Variants in RBM27 observed in about 807,000 individuals in gnomAD.
The protein encoded by RBM27 is RNA binding motif protein 27, also known as RNA-binding protein 27.
In RBM27, 22 loss-of-function variants were observed where a neutral mutation model predicts 135.3. The observed-to-expected ratio is 0.16, with a 90% CI of 0.12 to 0.23. The LOEUF (loss-of-function observed/expected upper bound fraction) is 0.23, where lower values mean the gene tolerates loss of function less well. Among genes scored for constraint, RBM27 ranks in the 10% least tolerant of loss-of-function variants. RBM27 has a pLI of 1.00. For synonymous variants in RBM27, 481 were observed against 442.4 expected, an observed-to-expected ratio of 1.09 and a Z score of -1.10; for missense variants, 1,009 against 1,281.0, an observed-to-expected ratio of 0.79 and a Z score of 3.24.
At chr5:146,240,281 AT>A (rs1757348217) in intron 8 of RBM27, among the ~76,000 whole-genome samples, 1 of 149,398 alleles carries the variant, frequency 6.7e-6, no homozygotes, top group Non-Finnish European at 1.5e-5. Context: ...GGAAGACATG[AT>A]TGCTGTTTTC....
intron 8 of RBM27, among the ~76,000 whole-genome samples, chr5:146,238,543 T>G (rs1757266036): frequency 6.6e-6 from 1 of 152,172 alleles, no homozygotes; most frequent in South Asian, 2.1e-4. Flanking sequence ...TCTGGAATCC[T>G]AATTCTCTTT....
chr5:146,261,378 A>G lies in RBM27; in HGVS notation c.1894-132A>G. The G allele has an allele frequency of 3.9e-6, 3 of 771,424 alleles. 1 individual carries two copies. The highest frequency in any genetic ancestry group is 3.7e-5 in the South Asian group (2 of 53,538). 47.8% of individuals were successfully genotyped at this position (771,424 alleles called of 1,614,324 possible). ...ATTACATCCTAAAAGCTCTATCTCT[A>G]AAACAGTAATGTTGGAGTTTAGGGC... On this transcript the variant is annotated intron_variant, in intron 12 of 20. Transcript: ENST00000265271.
At chr5:146,228,552 G>A (rs1289814401) in intron 3 of RBM27, among the ~76,000 whole-genome samples, 1 of 151,820 alleles carries the variant, frequency 6.6e-6, no homozygotes, top group African/African-American at 2.4e-5. Context: ...AAAGTGCTGG[G>A]ATTATAGGTG....
chr5:146,253,143 G>A (rs1320962628), intron 9 of RBM27, among the ~76,000 whole-genome samples: 7 of 151,978 alleles, frequency 4.6e-5, no homozygotes, highest in African/African-American at 9.7e-5. Context: ...GATTACAGGC[G>A]TGCATCACCA....
At chr5:146,209,193 C>T (rs1755833850) in intron 1 of RBM27, among the ~76,000 whole-genome samples, 1 of 152,060 alleles carries the variant, frequency 6.6e-6, no homozygotes, top group African/African-American at 2.4e-5. Flanking sequence ...ATGTAAACAA[C>T]ATTTTATGGT....
intron 9 of RBM27, 143 bp downstream of exon 9, chr5:146,252,018 C>T (rs970651045): frequency 2.1e-6 from 2 of 959,010 alleles, no homozygotes; most frequent in Admixed American, 4.5e-5. Context: ...TGCTCCTTTG[C>T]TTCTTTGGTT....
intron 1 of RBM27, among the ~76,000 whole-genome samples, chr5:146,213,251 C>T (rs1363160934): frequency 6.6e-6 from 1 of 152,062 alleles, no homozygotes; most frequent in Non-Finnish European, 1.5e-5. Context: ...AACAGGCATG[C>T]ACCACCATGC....
At chr5:146,265,934 G>GA (rs904454197) in intron 14 of RBM27, among the ~76,000 whole-genome samples, 3 of 151,672 alleles carry the variant, frequency 2.0e-5, no homozygotes, top group Admixed American at 6.6e-5. Context: ...TCTTAAGCGG[G>GA]AAAAAAAAGG....
At chr5:146,267,531 A>G in intron 14 of RBM27, 118 bp from the exon 15 acceptor site, 1 of 632,030 alleles carries the variant, frequency 1.6e-6, no homozygotes, top group South Asian at 2.9e-5. Flanking sequence ...AAATGTAAAA[A>G]GAAAATTTAA....
At chr5:146,207,663 T>TC (rs1201493093) in intron 1 of RBM27, among the ~76,000 whole-genome samples, 1 of 150,838 alleles carries the variant, frequency 6.6e-6, no homozygotes, top group Non-Finnish European at 1.5e-5. Flanking sequence ...TATTTCTTTT[T>TC]TTTTTTTTTT....
intron 8 of RBM27, among the ~76,000 whole-genome samples, chr5:146,248,820 T>C (rs1353694785): frequency 6.6e-6 from 1 of 152,184 alleles, no homozygotes; most frequent in African/African-American, 2.4e-5. Context: ...CAAAGTAGCC[T>C]TTTGGTTTCC....
intron 19 of RBM27, 64 bp downstream of exon 19, chr5:146,271,738 A>C: frequency 7.0e-7 from 1 of 1,418,738 alleles, no homozygotes; most frequent in African/African-American, 1.4e-5. Flanking sequence ...TCCTTGCTGC[A>C]GTGTCTATAA....
chr5:146,225,915 T>G (rs1277576886), intron 3 of RBM27, among the ~76,000 whole-genome samples: 2 of 151,774 alleles, frequency 1.3e-5, no homozygotes, highest in African/African-American at 4.8e-5. Flanking sequence ...CAGGGTGGAG[T>G]GCGGTGGCGC....
chr5:146,245,732 T>G (rs535010012), intron 8 of RBM27, among the ~76,000 whole-genome samples: 1 of 152,148 alleles, frequency 6.6e-6, no homozygotes, highest in East Asian at 1.9e-4. Context: ...TAAATTATCA[T>G]AGGAGACTCA....
At chr5:146,238,862 C>T (rs1445694016) in intron 8 of RBM27, among the ~76,000 whole-genome samples, 1 of 152,022 alleles carries the variant, frequency 6.6e-6, no homozygotes, top group Admixed American at 6.6e-5. Context: ...GAGTAAGTTG[C>T]TTAGTCTCTC....
At chr5:146,254,190 C>G (rs1163352374) in intron 9 of RBM27, among the ~76,000 whole-genome samples, 2 of 152,142 alleles carry the variant, frequency 1.3e-5, no homozygotes, top group African/African-American at 2.4e-5. Context: ...CACAGTGACT[C>G]ACACCTGTAA....
At chr5:146,279,185 CA>C (rs1275440986) in intron 19 of RBM27, among the ~76,000 whole-genome samples, 3 of 151,936 alleles carry the variant, frequency 2.0e-5, no homozygotes, top group East Asian at 3.9e-4. Flanking sequence ...TGCGGTGGCT[CA>C]CACCTGTAAT....
intron 5 of RBM27, 63 bp from the exon 6 acceptor site, chr5:146,230,594 T>A: frequency 6.7e-7 from 1 of 1,503,024 alleles, no homozygotes; most frequent in South Asian, 1.2e-5. Context: ...AAAATAAATA[T>A]AGTTTAAGAA....
intron 3 of RBM27, among the ~76,000 whole-genome samples, chr5:146,225,777 G>T (rs1477532120): frequency 6.6e-6 from 1 of 152,044 alleles, no homozygotes; most frequent in African/African-American, 2.4e-5. Context: ...TATTGGCCAG[G>T]CTGGTCTTGA....
Sources: allele counts gnomAD v4.1 joint callset (sites outside exome capture counted in the v4.1 genomes callset), GRCh38; gene constraint gnomAD v4.1.1; transcripts MANE v1.5; gene names NCBI Gene and HGNC (gene_info 2026-07-23, HGNC 2026-07-21).